Variants in SCO1 observed in about 807,000 individuals in gnomAD.
SCO1 encodes synthesis of cytochrome C oxidase 1, also known as cytochrome c oxidase assembly factor SCO1.
In SCO1, 23 loss-of-function variants were observed where a neutral mutation model predicts 34.0. That is an observed-to-expected ratio of 0.68 (90% CI 0.49 to 0.96). The LOEUF (loss-of-function observed/expected upper bound fraction) is 0.96, where lower values mean the gene tolerates loss of function less well. SCO1 is among the 40% of genes least tolerant of loss of function. The pLI, the probability that SCO1 is intolerant of heterozygous loss-of-function variation, is 0.00. For synonymous variants in SCO1, 161 were observed against 145.5 expected, an observed-to-expected ratio of 1.11 and a Z score of -0.77; for missense variants, 404 against 381.6, an observed-to-expected ratio of 1.06 and a Z score of -0.49.
intron 2 of SCO1, among the ~76,000 whole-genome samples, chr17:10,694,717 CAAAA>C (rs1020908049): frequency 2.0e-5 from 3 of 151,050 alleles, no homozygotes; most frequent in Non-Finnish European, 4.4e-5. Context: ...AAACTAAAGT[CAAAA>C]AAAGCTTCCA....
At chr17:10,682,672 T>C (rs528223733) in intron 5 of SCO1, among the ~76,000 whole-genome samples, 1 of 152,364 alleles carries the variant, frequency 6.6e-6, no homozygotes, top group East Asian at 1.9e-4. Flanking sequence ...CAGAGGTCAC[T>C]CCTCAATATT....
rs17209211 is a variant in SCO1, at chr17:10,673,383, T to G, written c.*7736A>C. 6.6e-6 allele frequency: 1 copy of G among 152,218 alleles called. No homozygotes were observed. The highest frequency in any genetic ancestry group is 1.9e-4 in the East Asian group (1 of 5,194). 9.4% of individuals were successfully genotyped at this position (152,218 alleles called of 1,614,324 possible). A position where few individuals can be genotyped will look rare whatever the true frequency, so the allele number is the denominator to read the frequency against. ...AATCAATCAGTGAATGACTGTCTTG[T>G]GCTGTGATCCCGCACGTTCCCGACA... On this transcript the variant is annotated 3_prime_UTR_variant, in exon 6 of 6. Coordinates refer to ENST00000255390, the MANE Select transcript of SCO1 (RefSeq NM_004589.4).
intron 4 of SCO1, among the ~76,000 whole-genome samples, chr17:10,691,115 T>G (rs1269260294): frequency 6.6e-6 from 1 of 152,206 alleles, no homozygotes. Flanking sequence ...TACTTTGTCA[T>G]AGTAAATGTT....
rs1324467998 is a variant in SCO1, at chr17:10,675,894, T to G, written c.*5225A>C. On this transcript the variant is annotated 3_prime_UTR_variant, in exon 6 of 6. Coordinates refer to ENST00000255390, the MANE Select transcript of SCO1 (RefSeq NM_004589.4). ...GTCTTCCTTGAACTGGGTGCAAACATGGACAAAGTCACATGTATGACATGG... is the reference window on the plus strand; with the variant it reads ...GTCTTCCTTGAACTGGGTGCAAACAGGGACAAAGTCACATGTATGACATGG... 1 of 152,136 alleles carries G rather than the reference T, an allele frequency of 6.6e-6. No homozygotes were observed. The highest frequency in any genetic ancestry group is 2.4e-5 in the African/African-American group (1 of 41,410). The allele number at this position is 152,136 out of a possible 1,614,324, so 9.4% of individuals were successfully genotyped here.
chr17:10,681,013 A>C lies in SCO1; in HGVS notation c.*106T>G. 1 of 1,325,702 alleles carries C rather than the reference A, an allele frequency of 7.5e-7. No individual in the cohort carries two copies. The highest frequency in any genetic ancestry group is 1.1e-6 in the Non-Finnish European group (1 of 920,468). 82.1% of individuals were successfully genotyped at this position (1,325,702 alleles called of 1,614,324 possible). A position where few individuals can be genotyped will look rare whatever the true frequency, so the allele number is the denominator to read the frequency against. ...GAAATGTTCTCATGGTATGAAGGCC[A>C]TTCTGTAGAGTGCACGTATATATGT... On this transcript the variant is annotated 3_prime_UTR_variant, in exon 6 of 6. Coordinates refer to ENST00000255390, the MANE Select transcript of SCO1 (RefSeq NM_004589.4).
At chr17:10,689,859 C>G (rs942896708) in intron 4 of SCO1, among the ~76,000 whole-genome samples, 3 of 152,086 alleles carry the variant, frequency 2.0e-5, no homozygotes, top group African/African-American at 7.2e-5. Context: ...GGCATAAAAA[C>G]AGACACACAG....
chr17:10,673,681 A>G lies in SCO1; in HGVS notation c.*7438T>C, dbSNP rs567560804. On this transcript the variant is annotated 3_prime_UTR_variant, in exon 6 of 6. Coordinates refer to ENST00000255390, the MANE Select transcript of SCO1 (RefSeq NM_004589.4). ...GCCAACAGAGATCAAATGATCCTCA[A>G]TCAGGTTTCAATTGAGTATTTGAGA... The G allele has an allele frequency of 6.6e-6, 1 of 152,354 alleles. No individual in the cohort carries two copies. Among genetic ancestry groups the G allele is most frequent in the East Asian group, 1.9e-4 (1 of 5,182 alleles). The allele number at this position is 152,354 out of a possible 1,614,324, so 9.4% of individuals were successfully genotyped here.
rs145764824 is a variant in SCO1 at position 10,691,887 on chromosome 17, C to T, written c.640G>A (p.Ala214Thr). Residue 214 changes from alanine (A) to threonine (T), a missense_variant, in exon 4 of 6, where the codon GCA becomes ACA. Transcript: ENST00000255390. ...DPERDTKEAIANYVKEFSPKL... is the reference protein window; with the variant it reads ...DPERDTKEAITNYVKEFSPKL... ...AAAAAAATACCTTTCACATAATTTG[C>T]GATGGCTTCTTTTGTGTCCCTCTCT... The T allele has an allele frequency of 3.9e-5, 63 of 1,608,930 alleles. No homozygotes were observed. Among genetic ancestry groups the T allele is most frequent in the African/African-American group, 5.3e-5 (4 of 74,786 alleles).
rs1287874494 is a variant in SCO1 at position 10,697,346 on chromosome 17, G to C, written c.162C>G (p.Ala54=). ...FCARQAEAWR[A]SGRPGYCLGT... ...CCAGGCAATAGCCAGGGCGCCCCGAGGCACGCCACGCCTCCGCTTGCCGCG... is the reference window on the plus strand; with the variant it reads ...CCAGGCAATAGCCAGGGCGCCCCGACGCACGCCACGCCTCCGCTTGCCGCG... Residue 54 remains alanine, a synonymous_variant, in exon 1 of 6, where the codon GCC becomes GCG. Coordinates refer to ENST00000255390, the MANE Select transcript of SCO1 (RefSeq NM_004589.4). 1.3e-6 allele frequency: 2 copies of C among 1,580,176 alleles called. No individual in the cohort carries two copies. Among genetic ancestry groups the C allele is most frequent in the Non-Finnish European group, 1.7e-6 (2 of 1,163,698 alleles).
chr17:10,688,208 G>C (rs537506446), intron 4 of SCO1, among the ~76,000 whole-genome samples: 1 of 152,334 alleles, frequency 6.6e-6, no homozygotes, highest in South Asian at 2.1e-4. Context: ...ACTGTTAAGA[G>C]ACTGAAATGA....
At chr17:10,682,864 T>C (rs1029822086) in intron 5 of SCO1, among the ~76,000 whole-genome samples, 3 of 152,182 alleles carry the variant, frequency 2.0e-5, no homozygotes, top group Admixed American at 2.0e-4. Context: ...TATCACAGGC[T>C]GGAGAGAGTA....
chr17:10,677,638 TTAAGA>T lies in SCO1; in HGVS notation c.*3476_*3480del, dbSNP rs1286255474. The T allele has an allele frequency of 6.6e-6, 1 of 152,224 alleles. No individual in the cohort carries two copies. Among genetic ancestry groups the T allele is most frequent in the African/African-American group, 2.4e-5 (1 of 41,458 alleles). 9.4% of individuals were successfully genotyped at this position (152,224 alleles called of 1,614,324 possible). On this transcript the variant is annotated 3_prime_UTR_variant, in exon 6 of 6. Coordinates refer to ENST00000255390, the MANE Select transcript of SCO1 (RefSeq NM_004589.4). ...AGTCAGTAAATCTCACCTCTTACAC[TTAAGA>T]TATCAGCTGCTTCATGAACAGCCAG...
rs1461370948 is a variant in SCO1 at position 10,675,634 on chromosome 17, G to A, written c.*5485C>T. 1 of 152,186 alleles carries A rather than the reference G, an allele frequency of 6.6e-6. No homozygotes were observed. Among genetic ancestry groups the A allele is most frequent in the African/African-American group, 2.4e-5 (1 of 41,442 alleles). 9.4% of individuals were successfully genotyped at this position (152,186 alleles called of 1,614,324 possible). On this transcript the variant is annotated 3_prime_UTR_variant, in exon 6 of 6. Transcript: ENST00000255390. ...TTACTAACCATCTCACCTCCTGCCA[G>A]AGTTAAGCACTATTCTGACTTTTAA... is the stretch of plus-strand genomic sequence containing the variant.
rs116154410 is a variant in SCO1, at chr17:10,684,799, C to T, written c.771+1928G>A. On this transcript the variant is annotated intron_variant, in intron 5 of 5. Transcript: ENST00000255390. ...ACAACTCTCTATAAAGACAGAAGTCCGGAAAGTCCTTTTCCTATGGTTTCC... is the reference window on the plus strand; with the variant it reads ...ACAACTCTCTATAAAGACAGAAGTCTGGAAAGTCCTTTTCCTATGGTTTCC... Among the ~76,000 whole-genome samples, 137 of 152,326 alleles carry T rather than the reference C, an allele frequency of 9.0e-4. 1 individual carries two copies. Among genetic ancestry groups the T allele is most frequent in the African/African-American group, 2.8e-3 (117 of 41,554 alleles).
chr17:10,692,797 G>A lies in SCO1; in HGVS notation c.529C>T (p.Leu177=), dbSNP rs746711795. ...TCCACGACTTGAATCATCTTTTCTA[G>A]TTCTTCTGGACAGACATCAGGGCAA... ...THCPDVCPEE[L]EKMIQVVDEI... Residue 177 remains leucine (L), a synonymous_variant, in exon 3 of 6, where the codon CTA becomes TTA. Coordinates refer to ENST00000255390, the MANE Select transcript of SCO1 (RefSeq NM_004589.4). 6.2e-7 allele frequency: 1 copy of A among 1,614,082 alleles called. No individual in the cohort carries two copies. The highest frequency in any genetic ancestry group is 2.2e-5 in the East Asian group (1 of 44,884).
chr17:10,690,833 G>A (rs556059847), intron 4 of SCO1, among the ~76,000 whole-genome samples: 5 of 141,442 alleles, frequency 3.5e-5, no homozygotes, highest in East Asian at 3.9e-4. Flanking sequence ...GTATACATAC[G>A]TCATGGAATA....
rs1458907470 is a variant in SCO1 at position 10,686,773 on chromosome 17, CTG to C, written c.723_724del (p.Tyr241Ter). Reference sequence around the variant, plus strand: ...CTTGGGGCCAGGGCTGTAATACACTCTGTATGCTCTGGCCACTTGATCGACCT... The same window carrying C: ...CTTGGGGCCAGGGCTGTAATACACTCTATGCTCTGGCCACTTGATCGACCT... On this transcript the variant is annotated stop_gained and frameshift_variant, in exon 5 of 6. Transcript: ENST00000255390. LOFTEE classifies it high-confidence loss of function. The C allele has an allele frequency of 1.2e-6, 2 of 1,613,856 alleles. No individual in the cohort carries two copies. Among genetic ancestry groups the C allele is most frequent in the Non-Finnish European group, 1.7e-6 (2 of 1,179,872 alleles).
rs1191150788 is a variant in SCO1 at position 10,681,256 on chromosome 17, G to A, written c.772-3C>T. Reference sequence around the variant, plus strand: ...TACATTATTATTGTGTGATCCACCTGCAGAGAAAAGGGGGGAGAGTGTGAC... The same window carrying A: ...TACATTATTATTGTGTGATCCACCTACAGAGAAAAGGGGGGAGAGTGTGAC... On this transcript the variant is annotated splice_region_variant and splice_polypyrimidine_tract_variant and intron_variant, in intron 5 of 5. Coordinates refer to ENST00000255390, the MANE Select transcript of SCO1 (RefSeq NM_004589.4). The A allele has an allele frequency of 3.1e-6, 5 of 1,613,892 alleles. No homozygotes were observed. Among genetic ancestry groups the A allele is most frequent in the Non-Finnish European group, 4.2e-6 (5 of 1,179,914 alleles).
chr17:10,691,197 G>A (rs2151456286), intron 4 of SCO1, among the ~76,000 whole-genome samples: 1 of 152,326 alleles, frequency 6.6e-6, no homozygotes, highest in South Asian at 2.1e-4. Context: ...TCAGCTCACT[G>A]CTACCTCCGC....
Sources: allele counts gnomAD v4.1 joint callset (sites outside exome capture counted in the v4.1 genomes callset), GRCh38; gene constraint gnomAD v4.1.1; transcripts MANE v1.5; gene names NCBI Gene and HGNC (gene_info 2026-07-23, HGNC 2026-07-21).